Variants in MEMO1 observed in about 807,000 individuals in gnomAD.
MEMO1 encodes the protein protein MEMO1.
MEMO1 carries 6 observed loss-of-function variants against 45.2 expected under a neutral mutation model. The observed-to-expected ratio is 0.13, with a 90% CI of 0.07 to 0.26. The LOEUF is 0.26. Among genes scored for constraint, MEMO1 ranks in the 10% least tolerant of loss-of-function variants. The pLI, the probability that MEMO1 is intolerant of heterozygous loss-of-function variation, is 1.00. For missense variants in MEMO1, 184 were observed against 370.5 expected (o/e 0.50, Z 4.13); for synonymous variants, 78 against 124.3 (o/e 0.63, Z 2.48).
intron 2 of MEMO1, among the ~76,000 whole-genome samples, chr2:31,996,514 A>G (rs1332049461): frequency 6.6e-6 from 1 of 152,166 alleles, no homozygotes; most frequent in Non-Finnish European, 1.5e-5. Context: ...ACTGCACTCC[A>G]GCCTGGGCAA....
chr2:31,962,213 C>T (rs1420195162), intron 2 of MEMO1, among the ~76,000 whole-genome samples: 1 of 152,064 alleles, frequency 6.6e-6, no homozygotes, highest in Non-Finnish European at 1.5e-5. Flanking sequence ...AGTGGTGAAA[C>T]CCCATCTCTA....
At chr2:31,966,195 CT>C (rs745427558) in intron 2 of MEMO1, among the ~76,000 whole-genome samples, 23 of 152,184 alleles carry the variant, frequency 1.5e-4, no homozygotes, top group Non-Finnish European at 3.2e-4. Flanking sequence ...GTTAGCGCCT[CT>C]TTCCAACTAC....
chr2:31,969,485 A>G (rs1209714434), intron 2 of MEMO1, among the ~76,000 whole-genome samples: 1 of 151,754 alleles, frequency 6.6e-6, no homozygotes, highest in African/African-American at 2.4e-5. Context: ...TCATTTTTAT[A>G]GACAGAAAAA....
At chr2:31,930,876 C>G (rs1320366828) in intron 4 of MEMO1, among the ~76,000 whole-genome samples, 1 of 144,900 alleles carries the variant, frequency 6.9e-6, no homozygotes, top group East Asian at 2.0e-4. Context: ...CCAGGCTGGT[C>G]TCAAACTCCT....
At chr2:31,930,687 C>G (rs2148241713) in intron 4 of MEMO1, among the ~76,000 whole-genome samples, 1 of 152,110 alleles carries the variant, frequency 6.6e-6, no homozygotes, top group South Asian at 2.1e-4. Context: ...TGCTCTGTTG[C>G]CAAGCTGGAG....
At chr2:31,919,434 T>C (rs941976224) in intron 5 of MEMO1, among the ~76,000 whole-genome samples, 2 of 152,116 alleles carry the variant, frequency 1.3e-5, no homozygotes, top group Non-Finnish European at 2.9e-5. Context: ...ATTTCAGCCA[T>C]GAACCACCAC....
chr2:31,910,355 G>A (rs1250722929), intron 6 of MEMO1, among the ~76,000 whole-genome samples: 1 of 152,000 alleles, frequency 6.6e-6, no homozygotes, highest in Middle Eastern at 3.2e-3. Flanking sequence ...GAACAAATGA[G>A]GGTAAAATAA....
intron 2 of MEMO1, among the ~76,000 whole-genome samples, chr2:31,991,866 A>C (rs918695415): frequency 1.1e-4 from 17 of 152,266 alleles, no homozygotes; most frequent in Non-Finnish European, 1.9e-4. Context: ...AAATGAATCC[A>C]TCATCTATAG....
intron 2 of MEMO1, among the ~76,000 whole-genome samples, chr2:31,955,637 T>C (rs1667331532): frequency 1.3e-5 from 2 of 152,182 alleles, no homozygotes; most frequent in South Asian, 4.2e-4. Context: ...TGACAGAGTT[T>C]TGCTCTTCTT....
In MEMO1 at chr2:31,943,389, AAAAGAC is replaced by A; in HGVS notation, c.62-12_62-7del. 6.2e-7 allele frequency: 1 copy of A among 1,610,884 alleles called. No individual in the cohort carries two copies. Among genetic ancestry groups the A allele is most frequent in the Non-Finnish European group, 8.5e-7 (1 of 1,177,036 alleles). Reference sequence around the variant, plus strand: ...CTGTGCATTCAGCTGCGGTCCTATAAAAAGACAAAGACAAAATTAGAGTCAGCAAAG... The same window carrying A: ...CTGTGCATTCAGCTGCGGTCCTATAAAAAGACAAAATTAGAGTCAGCAAAG... On this transcript the variant is annotated splice_polypyrimidine_tract_variant and splice_region_variant and intron_variant, in intron 2 of 9. Transcript: ENST00000404530.
chr2:31,874,312 T>C (rs921476729), intron 8 of MEMO1, among the ~76,000 whole-genome samples: 1 of 152,086 alleles, frequency 6.6e-6, no homozygotes, highest in Non-Finnish European at 1.5e-5. Flanking sequence ...ATTATTGACA[T>C]TGCAAAGCAC....
intron 2 of MEMO1, among the ~76,000 whole-genome samples, chr2:31,950,253 T>C (rs988126837): frequency 6.6e-6 from 1 of 150,862 alleles, no homozygotes; most frequent in East Asian, 2.0e-4. Context: ...TGATGACAGG[T>C]GCCTGTAATT....
At chr2:31,986,194 A>G (rs1671235184) in intron 2 of MEMO1, among the ~76,000 whole-genome samples, 1 of 152,118 alleles carries the variant, frequency 6.6e-6, no homozygotes, top group Admixed American at 6.6e-5. Flanking sequence ...GGTGGTCGAG[A>G]CCATCCTGGC....
intron 4 of MEMO1, among the ~76,000 whole-genome samples, chr2:31,931,081 A>G (rs1664108887): frequency 6.6e-6 from 1 of 152,192 alleles, no homozygotes; most frequent in Non-Finnish European, 1.5e-5. Flanking sequence ...TAAATGAGAC[A>G]GGGCTAGCCA....
Position 31,883,387 on chromosome 2 carries a change from A to G in MEMO1, c.656T>C (p.Met219Thr). 6.4e-7 allele frequency: 1 copy of G among 1,574,516 alleles called. No individual in the cohort carries two copies. Among genetic ancestry groups the G allele is most frequent in the Non-Finnish European group, 8.6e-7 (1 of 1,162,352 alleles). Residue 219 changes from methionine (M) to threonine (T), a missense_variant and splice_region_variant, in exon 8 of 10, where the codon ATG becomes ACG. Physicochemically the swap from Met to Thr is moderately conservative, Grantham distance 81. Coordinates refer to ENST00000404530, the MANE Select transcript of MEMO1 (RefSeq NM_001301833.4). ...IYRSIEHLDKMGMSIIEQLDP... is the reference protein window; with the variant it reads ...IYRSIEHLDKTGMSIIEQLDP... ...AAATCCCACACCTGAAAGACTTACC[A>G]TTTTATCTAGATGTTCAATGGATCT... is the stretch of plus-strand genomic sequence containing the variant.
In MEMO1 at chr2:31,883,543, C is replaced by A. The variant is rs1019147929; in HGVS notation, c.581-81G>T. The A allele has an allele frequency of 4.4e-5, 45 of 1,013,964 alleles. No individual in the cohort carries two copies. In the South Asian group the frequency reaches 7.3e-4, roughly 16 times the overall value. 62.8% of individuals were successfully genotyped at this position (1,013,964 alleles called of 1,614,324 possible). The stretch of plus-strand genomic sequence containing the variant: ...AAAGCAAGCGCTTACCAAATAATTT[C>A]AGTTCTCATGAAAGGCAAAGCACAG... On this transcript the variant is annotated intron_variant, in intron 7 of 9. Transcript: ENST00000404530.
intron 4 of MEMO1, among the ~76,000 whole-genome samples, chr2:31,931,229 T>C (rs1664130514): frequency 1.3e-5 from 2 of 152,178 alleles, no homozygotes; most frequent in Non-Finnish European, 2.9e-5. Context: ...TTTTAAAACT[T>C]TGAATGAACT....
rs1665825568 is a variant in MEMO1, at chr2:31,943,287, A to G, written c.143+15T>C. The G allele has an allele frequency of 1.2e-6, 2 of 1,604,262 alleles. No homozygotes were observed. Among genetic ancestry groups the G allele is most frequent in the Non-Finnish European group, 1.7e-6 (2 of 1,171,534 alleles). The stretch of plus-strand genomic sequence containing the variant: ...CTCAAAAAACAAAACAAAAACAAAA[A>G]CAAAAAAGACTTACGGGGCAATAAT... On this transcript the variant is annotated intron_variant, in intron 3 of 9. Transcript: ENST00000404530.
chr2:31,931,057 T>C (rs1254443445), intron 4 of MEMO1, among the ~76,000 whole-genome samples: 1 of 152,084 alleles, frequency 6.6e-6, no homozygotes, highest in African/African-American at 2.4e-5. Context: ...TTAACAATGC[T>C]CCTCAAAACA....
Sources: gnomAD v4.1 joint callset for allele counts (sites outside exome capture counted in the v4.1 genomes callset) on GRCh38, gnomAD v4.1.1 for gene constraint, MANE v1.5 for transcripts, NCBI Gene and HGNC (gene_info 2026-07-23, HGNC 2026-07-21) for gene names.